The following ARSG variants were observed in gnomAD, a reference collection of about 807,000 sequenced individuals.
The protein encoded by ARSG is arylsulfatase G.
A neutral mutation model predicts 50.5 loss-of-function variants in ARSG; 37 were observed. That is an observed-to-expected ratio of 0.73 (90% CI 0.56 to 0.96). The LOEUF is 0.96. ARSG is among the 50% of genes least tolerant of loss of function. The probability of loss-of-function intolerance (pLI) is 0.00; values close to 1 mark genes in which losing one functional copy is unlikely to be tolerated. For missense variants in ARSG, 629 were observed against 675.3 expected, an observed-to-expected ratio of 0.93 and a Z score of 0.76; for synonymous variants, 225 against 254.6, an observed-to-expected ratio of 0.88 and a Z score of 1.11.
intron 1 of ARSG, among the ~76,000 whole-genome samples, chr17:68,261,372 C>CTTTAT (rs1189173595): frequency 6.6e-6 from 1 of 152,010 alleles, no homozygotes; most frequent in Non-Finnish European, 1.5e-5. Flanking sequence ...TAAACAGATG[C>CTTTAT]TTTATTTTAT....
At chr17:68,349,704 T>C (rs1305171980) in intron 4 of ARSG, among the ~76,000 whole-genome samples, 4 of 152,074 alleles carry the variant, frequency 2.6e-5, no homozygotes, top group African/African-American at 9.7e-5. Flanking sequence ...GCCAACATGC[T>C]GAAATCCCAT....
At chr17:68,337,651 C>G (rs1309024458) in intron 2 of ARSG, among the ~76,000 whole-genome samples, 2 of 151,860 alleles carry the variant, frequency 1.3e-5, no homozygotes, top group African/African-American at 4.8e-5. Flanking sequence ...GAGTTTCGCT[C>G]TTGTTGCCCA....
At position 68,351,677 on chromosome 17, in the gene ARSG, G is replaced by A. The variant is rs754539318; in HGVS notation, c.557G>A (p.Gly186Glu). 2 of 1,608,926 alleles carry A rather than the reference G, an allele frequency of 1.2e-6. No individual in the cohort carries two copies. Among genetic ancestry groups the A allele is most frequent in the East Asian group, 4.5e-5 (2 of 44,838 alleles). ...PPCPACPQGD[G>E]PSRNLQRDCY... Reference sequence around the variant, plus strand: ...TGTCCAGCGTGTCCACAGGGTGATGGACCATCAAGGTAATGCTGTCTGACA... The same window carrying A: ...TGTCCAGCGTGTCCACAGGGTGATGAACCATCAAGGTAATGCTGTCTGACA... The change falls in exon 5 of 12, where the codon GGA becomes GAA. Residue 186 changes from glycine to glutamate, a missense_variant. By Grantham distance (98) the Gly-to-Glu change is moderately conservative. Transcript: ENST00000621439.
chr17:68,264,165 G>A (rs1335882073), intron 1 of ARSG, among the ~76,000 whole-genome samples: 1 of 151,886 alleles, frequency 6.6e-6, no homozygotes, highest in Admixed American at 6.6e-5. Flanking sequence ...CCCAGCTGAA[G>A]GATCATGATG....
chr17:68,366,256 A>T (rs1445523688), intron 6 of ARSG, among the ~76,000 whole-genome samples: 1 of 152,192 alleles, frequency 6.6e-6, no homozygotes, highest in East Asian at 1.9e-4. Flanking sequence ...AAAATAAAAT[A>T]AAATTTATTT....
intron 2 of ARSG, among the ~76,000 whole-genome samples, chr17:68,323,440 G>A (rs951345514): frequency 6.6e-6 from 1 of 151,896 alleles, no homozygotes; most frequent in Admixed American, 6.6e-5. Context: ...TGTAAAGATG[G>A]GCTCTTGCTA....
intron 9 of ARSG, among the ~76,000 whole-genome samples, chr17:68,385,727 G>GCAGCAT (rs765259913): frequency 1.4e-3 from 219 of 152,288 alleles, no homozygotes; most frequent in Non-Finnish European, 2.7e-3. Context: ...GGCGGCAGCA[G>GCAGCAT]CAGCATCTCC....
At chr17:68,426,038 A>G, downstream of ARSG, 1 of 1,580,102 alleles carries the variant, frequency 6.3e-7, no homozygotes, top group East Asian at 2.2e-5. Context: ...CTAAGCACAC[A>G]GACTGAGCCG....
chr17:68,439,325 C>T, the ARSG span, among the ~76,000 whole-genome samples: 1 of 152,250 alleles, frequency 6.6e-6, no homozygotes, highest in South Asian at 2.1e-4. Context: ...ATACATGCTA[C>T]AACACAGAAG....
rs1392098960 is a variant in ARSG at position 68,367,306 on chromosome 17, A to C, written c.705-1242A>C. ...CCCTGGGAGCCAGGGTGCAGGGGGG[A>C]TTTGAGGGCACAGTTGGCTATAGAG... On this transcript the variant is annotated intron_variant, in intron 6 of 11. Transcript: ENST00000621439. This position sits in a 1 kb window ranked among gnomAD's most constrained non-coding sequence, Gnocchi z 4.5. Among the ~76,000 whole-genome samples, 1 of 151,948 alleles carries C rather than the reference A, an allele frequency of 6.6e-6. No homozygotes were observed. The highest frequency in any genetic ancestry group is 2.4e-5 in the African/African-American group (1 of 41,366).
chr17:68,434,508 C>T, the ARSG span: 1,282 of 1,601,950 alleles, frequency 8.0e-4, 14 homozygotes, highest in African/African-American at 0.011. Context: ...GCGGTCCCTG[C>T]GGGACTTCTG....
the ARSG span, chr17:68,436,341 A>C: frequency 1.5e-5 from 23 of 1,581,922 alleles, no homozygotes; most frequent in East Asian, 4.7e-4. Flanking sequence ...CCACACAGCC[A>C]AGGCAGGTGG....
intron 9 of ARSG, among the ~76,000 whole-genome samples, chr17:68,393,341 G>A (rs1277904303): frequency 6.6e-6 from 1 of 152,084 alleles, no homozygotes; most frequent in East Asian, 1.9e-4. Context: ...GGACGAGTCC[G>A]CCCTTTGTCC....
At chr17:68,408,911 C>T (rs1256012090) in intron 11 of ARSG, among the ~76,000 whole-genome samples, 1 of 151,276 alleles carries the variant, frequency 6.6e-6, no homozygotes, top group Non-Finnish European at 1.5e-5. Context: ...TTTTTGGCTG[C>T]ATAAATGTCT....
At chr17:68,365,446 C>T (rs1333962537) in intron 6 of ARSG, among the ~76,000 whole-genome samples, 1 of 152,242 alleles carries the variant, frequency 6.6e-6, no homozygotes, top group Non-Finnish European at 1.5e-5. Context: ...TCCAGGGCTA[C>T]ACAGTCATGA....
At chr17:68,404,731 T>C (rs527897489) in intron 11 of ARSG, among the ~76,000 whole-genome samples, 1 of 152,338 alleles carries the variant, frequency 6.6e-6, no homozygotes, top group South Asian at 2.1e-4. Flanking sequence ...CTTTCATGTT[T>C]GATTGAATTC....
intron 5 of ARSG, among the ~76,000 whole-genome samples, chr17:68,353,571 A>G (rs1237376549): frequency 6.6e-6 from 1 of 152,238 alleles, no homozygotes; most frequent in African/African-American, 2.4e-5. Context: ...ATGGCATGAA[A>G]AGCGAGGCTA....
At chr17:68,370,115 A>G (rs1013663024) in intron 7 of ARSG, among the ~76,000 whole-genome samples, 1 of 151,968 alleles carries the variant, frequency 6.6e-6, no homozygotes, top group African/African-American at 2.4e-5. Context: ...CCTGGGTTCA[A>G]GCGTTTTTTG....
At chr17:68,295,255 G>A (rs1448689041) in intron 1 of ARSG, among the ~76,000 whole-genome samples, 1 of 152,098 alleles carries the variant, frequency 6.6e-6, no homozygotes, top group Non-Finnish European at 1.5e-5. Context: ...TTCTGTATTT[G>A]GGGACAGTGA....
Sources: allele counts gnomAD v4.1 joint callset (sites outside exome capture counted in the v4.1 genomes callset), GRCh38; gene constraint gnomAD v4.1.1; non-coding constraint Gnocchi (gnomAD v3.1); transcripts MANE v1.5; gene names NCBI Gene and HGNC (gene_info 2026-07-23, HGNC 2026-07-21).